Variants in DOCK7 observed in about 807,000 individuals in gnomAD.
DOCK7 encodes dedicator of cytokinesis protein 7.
In DOCK7, 138 loss-of-function variants were observed where a neutral mutation model predicts 271.0. The observed-to-expected ratio is 0.51, with a 90% confidence interval of 0.44 to 0.59. DOCK7 has a LOEUF of 0.59. Among genes scored for constraint, DOCK7 ranks in the 20% least tolerant of loss-of-function variants. DOCK7 has a pLI of 0.00. For synonymous variants in DOCK7, 823 were observed against 876.1 expected, an observed-to-expected ratio of 0.94 and a Z score of 1.07; for missense variants, 2,066 against 2,592.4, an observed-to-expected ratio of 0.80 and a Z score of 4.41.
chr1:62,531,961 A>G (rs1307560854), intron 29 of DOCK7, among the ~76,000 whole-genome samples: 2 of 152,236 alleles, frequency 1.3e-5, no homozygotes, highest in African/African-American at 4.8e-5. Flanking sequence ...GAGAGGACAG[A>G]TCATAAACAA....
chr1:62,462,019 C>T (rs1399313612), intron 48 of DOCK7, among the ~76,000 whole-genome samples: 2 of 150,448 alleles, frequency 1.3e-5, no homozygotes, highest in Admixed American at 6.6e-5. Flanking sequence ...TGCAGTGAGC[C>T]GAGATCTTGC....
intron 22 of DOCK7, 127 bp from the exon 23 acceptor site, chr1:62,545,166 C>A: frequency 1.3e-6 from 1 of 777,936 alleles, no homozygotes; most frequent in South Asian, 2.3e-5. Context: ...TTAAAGCAAC[C>A]AAAATTTGTA....
At chr1:62,504,518 A>G (rs1646883956) in intron 37 of DOCK7, 112 bp downstream of exon 37, 1 of 1,156,648 alleles carries the variant, frequency 8.6e-7, no homozygotes, top group Non-Finnish European at 1.2e-6. Context: ...GCCTATGATT[A>G]GACTAAAAAT....
intron 40 of DOCK7, among the ~76,000 whole-genome samples, chr1:62,494,057 T>C (rs958415971): frequency 3.9e-5 from 6 of 152,188 alleles, no homozygotes; most frequent in African/African-American, 1.4e-4. Context: ...ATAGTGCTGA[T>C]AATTCAGAGG....
At chr1:62,639,955 C>CA (rs1228299970) in intron 7 of DOCK7, among the ~76,000 whole-genome samples, 4 of 148,002 alleles carry the variant, frequency 2.7e-5, no homozygotes, top group South Asian at 4.3e-4. Context: ...TGAGCAACTG[C>CA]AAAAAAAATG....
chr1:62,680,759 A>C (rs914322281), intron 1 of DOCK7, among the ~76,000 whole-genome samples: 22 of 151,970 alleles, frequency 1.4e-4, no homozygotes, highest in East Asian at 7.7e-4. Flanking sequence ...GAAGACATTT[A>C]TGCAGCCAAA....
chr1:62,573,050 T>C (rs1646834564), intron 18 of DOCK7, among the ~76,000 whole-genome samples: 1 of 152,188 alleles, frequency 6.6e-6, no homozygotes, highest in African/African-American at 2.4e-5. Flanking sequence ...GCTATGTTGT[T>C]CAGTAAATAA....
intron 48 of DOCK7, among the ~76,000 whole-genome samples, chr1:62,461,853 C>T (rs1219202847): frequency 1.3e-5 from 2 of 150,958 alleles, no homozygotes; most frequent in East Asian, 1.9e-4. Context: ...GGGCGGATCA[C>T]CTGAGGTCAG....
chr1:62,565,895 A>C (rs1646498293), intron 18 of DOCK7, among the ~76,000 whole-genome samples: 1 of 152,240 alleles, frequency 6.6e-6, no homozygotes, highest in Non-Finnish European at 1.5e-5. Context: ...AATCACAAGC[A>C]TTCCTATACA....
At chr1:62,611,203 CACA>C (rs1651745303) in intron 14 of DOCK7, among the ~76,000 whole-genome samples, 1 of 152,138 alleles carries the variant, frequency 6.6e-6, no homozygotes. Flanking sequence ...ACACATATAT[CACA>C]ACTTTAATAT....
At chr1:62,651,142 GT>G (rs1188470574) in intron 4 of DOCK7, among the ~76,000 whole-genome samples, 2 of 151,928 alleles carry the variant, frequency 1.3e-5, no homozygotes, top group Non-Finnish European at 2.9e-5. Context: ...CATGTCCTTT[GT>G]AGGGACATGG....
At chr1:62,456,418 G>T (rs574729132) in intron 49 of DOCK7, among the ~76,000 whole-genome samples, 2 of 152,222 alleles carry the variant, frequency 1.3e-5, no homozygotes, top group South Asian at 4.1e-4. Context: ...TGCCATTAAG[G>T]TTAAGCCATG....
chr1:62,492,962 G>A, intron 40 of DOCK7, 115 bp from the exon 41 acceptor site: 3 of 841,952 alleles, frequency 3.6e-6, no homozygotes, highest in South Asian at 2.0e-5. Context: ...AAAAAAAGGA[G>A]AGTGATATAA....
chr1:62,522,446 T>G (rs150066296), intron 31 of DOCK7, among the ~76,000 whole-genome samples: 1 of 152,032 alleles, frequency 6.6e-6, no homozygotes, highest in African/African-American at 2.4e-5. Context: ...AATACAGCCA[T>G]CTCAATGAAT....
rs183194136 is a variant in DOCK7 at position 62,492,132 on chromosome 1, T to C, written c.5361+572A>G. ...TACCCAGGAGGCTGAGGTGGGAAGA[T>C]ATCTTGAGCCCAGGAGTTTGAGGCC... On this transcript the variant is annotated intron_variant, in intron 41 of 49. Coordinates refer to ENST00000635253, the MANE Select transcript of DOCK7 (RefSeq NM_001367561.1). Among the ~76,000 whole-genome samples, 4 of 151,854 alleles carry C rather than the reference T, an allele frequency of 2.6e-5. No individual in the cohort carries two copies. In the East Asian group the frequency reaches 7.9e-4, roughly 30 times the overall value.
chr1:62,596,920 C>T (rs545963584), intron 14 of DOCK7, among the ~76,000 whole-genome samples: 3 of 151,800 alleles, frequency 2.0e-5, no homozygotes, highest in Non-Finnish European at 4.4e-5. Flanking sequence ...GATTTTGTGA[C>T]AATATACAAG....
chr1:62,554,227 C>T (rs1458232508), intron 21 of DOCK7, among the ~76,000 whole-genome samples: 2 of 151,878 alleles, frequency 1.3e-5, no homozygotes, highest in African/African-American at 4.8e-5. Flanking sequence ...AATCCCAGCA[C>T]TTTGGGAGGC....
chr1:62,462,494 G>A (rs1040500601), intron 48 of DOCK7, among the ~76,000 whole-genome samples: 4 of 152,218 alleles, frequency 2.6e-5, no homozygotes, highest in Admixed American at 6.5e-5. Flanking sequence ...ACATAAACAC[G>A]GGTGCTTAAT....
At chr1:62,655,159 A>G (rs2149697449) in intron 2 of DOCK7, among the ~76,000 whole-genome samples, 1 of 152,368 alleles carries the variant, frequency 6.6e-6, no homozygotes, top group South Asian at 2.1e-4. Flanking sequence ...GACTGGTAGC[A>G]TTCTTCAGCC....
Sources: gnomAD v4.1 joint callset for allele counts (sites outside exome capture counted in the v4.1 genomes callset) on GRCh38, gnomAD v4.1.1 for gene constraint, MANE v1.5 for transcripts, NCBI Gene and HGNC (gene_info 2026-07-23, HGNC 2026-07-21) for gene names.